Variants in PXDNL observed in about 807,000 individuals in gnomAD.
The protein encoded by PXDNL is peroxidasin like.
Under a neutral mutation model 150.8 loss-of-function variants are expected in PXDNL, and 145 were observed. The ratio of observed to expected loss-of-function variants is 0.96; its 90% CI spans 0.84 to 1.10. The LOEUF is 1.10. Among genes scored for constraint, PXDNL ranks in the 50% least tolerant of loss-of-function variants. PXDNL has a pLI of 0.00. For synonymous variants in PXDNL, 757 were observed against 725.7 expected, an observed-to-expected ratio of 1.04 and a Z score of -0.69; for missense variants, 2,087 against 1,873.9, an observed-to-expected ratio of 1.11 and a Z score of -2.10.
chr8:51,573,998 A>G (rs903673021), intron 3 of PXDNL, among the ~76,000 whole-genome samples: 5 of 152,016 alleles, frequency 3.3e-5, no homozygotes, highest in Admixed American at 3.3e-4. Context: ...GGGCTTTAGA[A>G]GAGACCAAAA....
At chr8:51,583,615 G>C (rs1813257704) in intron 3 of PXDNL, among the ~76,000 whole-genome samples, 1 of 152,086 alleles carries the variant, frequency 6.6e-6, no homozygotes, top group Non-Finnish European at 1.5e-5. Flanking sequence ...TACTATATCA[G>C]TTCATAGATT....
chr8:51,695,478 A>G (rs745597184), intron 1 of PXDNL, among the ~76,000 whole-genome samples: 1 of 151,918 alleles, frequency 6.6e-6, no homozygotes, highest in East Asian at 1.9e-4. Context: ...TACAACACAC[A>G]CACGCACACA....
chr8:51,582,542 T>C (rs1467374456), intron 3 of PXDNL, among the ~76,000 whole-genome samples: 1 of 152,200 alleles, frequency 6.6e-6, no homozygotes, highest in African/African-American at 2.4e-5. Flanking sequence ...TAGAGTTCTT[T>C]TGAAGGACAA....
chr8:51,725,359 G>T (rs557969267), intron 1 of PXDNL, among the ~76,000 whole-genome samples: 104 of 152,334 alleles, frequency 6.8e-4, no homozygotes, highest in Middle Eastern at 3.4e-3. Flanking sequence ...AGAAATAAAA[G>T]ATGTGTTTTT....
intron 2 of PXDNL, among the ~76,000 whole-genome samples, chr8:51,596,931 T>C (rs1172663259): frequency 6.6e-6 from 1 of 152,178 alleles, no homozygotes; most frequent in Non-Finnish European, 1.5e-5. Flanking sequence ...TTGTTGATTT[T>C]TGTTTTCTTT....
intron 2 of PXDNL, among the ~76,000 whole-genome samples, chr8:51,613,991 G>C (rs1370040284): frequency 6.6e-6 from 1 of 152,236 alleles, no homozygotes; most frequent in Non-Finnish European, 1.5e-5. Context: ...GCAGCAGGAA[G>C]TGATTCTGCA....
At chr8:51,779,838 T>C (rs73678997) in intron 1 of PXDNL, among the ~76,000 whole-genome samples, 1 of 152,280 alleles carries the variant, frequency 6.6e-6, no homozygotes, top group African/African-American at 2.4e-5. Context: ...ACTTGCAGGC[T>C]GTAAGGGGGC....
intron 2 of PXDNL, among the ~76,000 whole-genome samples, chr8:51,605,039 C>A (rs12114812): frequency 0.24 from 36,144 of 152,060 alleles, 5,370 homozygotes; most frequent in African/African-American, 0.41. Flanking sequence ...TGGTAAATAT[C>A]TTCTAAGTTT....
intron 2 of PXDNL, among the ~76,000 whole-genome samples, chr8:51,633,919 TCTATC>T (rs1216553767): frequency 2.0e-5 from 3 of 151,258 alleles, no homozygotes; most frequent in Admixed American, 2.0e-4. Context: ...AATATTTCCT[TCTATC>T]CTATAGCCTA....
intron 10 of PXDNL, among the ~76,000 whole-genome samples, chr8:51,452,935 A>ACACATACACACACACAC (rs1809839333): frequency 7.0e-6 from 1 of 142,564 alleles, no homozygotes; most frequent in East Asian, 2.0e-4. Flanking sequence ...CACACACACA[A>ACACATACACACACACAC]ACACACACAC....
At chr8:51,325,749 C>G (rs1054545783) in intron 21 of PXDNL, among the ~76,000 whole-genome samples, 3 of 152,164 alleles carry the variant, frequency 2.0e-5, no homozygotes, top group Admixed American at 2.0e-4. Flanking sequence ...GGCATGATGA[C>G]CCCCTAGTTT....
rs370901923 is a variant in PXDNL, at chr8:51,408,352, A to T, written c.3272T>A (p.Ile1091Lys). The T allele has an allele frequency of 1.7e-5, 27 of 1,613,922 alleles. No individual in the cohort carries two copies. Among genetic ancestry groups the T allele is most frequent in the Non-Finnish European group, 2.2e-5 (26 of 1,179,912 alleles). Reference sequence around the variant, plus strand: ...CGGGTCTATCCCACCTTCCTTGATTATTCTGGACGGTGAAAAGAGCGCTTT... The same window carrying T: ...CGGGTCTATCCCACCTTCCTTGATTTTTCTGGACGGTGAAAAGAGCGCTTT... ...FHKALFSPSRIIKEGGIDPVL... is the reference protein window; with the variant it reads ...FHKALFSPSRKIKEGGIDPVL... Residue 1091 changes from isoleucine (I) to lysine (K), a missense_variant, in exon 17 of 23, where the codon ATA becomes AAA. Ile to Lys is a moderately radical substitution (Grantham distance 102, BLOSUM62 -3). Coordinates refer to ENST00000356297, the MANE Select transcript of PXDNL (RefSeq NM_144651.5).
At chr8:51,711,590 G>A (rs1389096701) in intron 1 of PXDNL, among the ~76,000 whole-genome samples, 1 of 152,192 alleles carries the variant, frequency 6.6e-6, no homozygotes, top group East Asian at 1.9e-4. Context: ...ATACATGGTT[G>A]GGAACCAGAG....
intron 4 of PXDNL, among the ~76,000 whole-genome samples, chr8:51,539,756 G>A (rs1165304862): frequency 1.3e-5 from 2 of 151,926 alleles, no homozygotes; most frequent in African/African-American, 4.8e-5. Context: ...AACTCTTCAG[G>A]ATGCTTCCTC....
intron 2 of PXDNL, among the ~76,000 whole-genome samples, chr8:51,642,675 T>G (rs1380818550): frequency 6.6e-6 from 1 of 152,156 alleles, no homozygotes; most frequent in Non-Finnish European, 1.5e-5. Context: ...CAACATAGCG[T>G]TGGAAGTTCT....
chr8:51,693,413 C>T (rs1816041785), intron 1 of PXDNL, among the ~76,000 whole-genome samples: 1 of 152,152 alleles, frequency 6.6e-6, no homozygotes, highest in African/African-American at 2.4e-5. Context: ...ATTATTTATC[C>T]TCATTTTACA....
At chr8:51,533,704 C>T (rs1164868850) in intron 4 of PXDNL, among the ~76,000 whole-genome samples, 789 of 133,738 alleles carry the variant, frequency 5.9e-3, no homozygotes, top group East Asian at 7.6e-3. Context: ...CCGGGCTGGT[C>T]TCCAGCTCCT....
intron 1 of PXDNL, among the ~76,000 whole-genome samples, chr8:51,702,138 C>G (rs989078787): frequency 6.6e-6 from 1 of 152,164 alleles, no homozygotes; most frequent in Non-Finnish European, 1.5e-5. Flanking sequence ...ACAGAATGGT[C>G]AATTTGCATA....
At chr8:51,321,541 A>G (rs1020460557) in intron 21 of PXDNL, among the ~76,000 whole-genome samples, 2 of 151,686 alleles carry the variant, frequency 1.3e-5, no homozygotes, top group African/African-American at 4.8e-5. Context: ...TCTTGGGGGC[A>G]GATTTCCCCC....
Sources: allele counts gnomAD v4.1 joint callset (sites outside exome capture counted in the v4.1 genomes callset), GRCh38; gene constraint gnomAD v4.1.1; transcripts MANE v1.5; gene names NCBI Gene and HGNC (gene_info 2026-07-23, HGNC 2026-07-21).